Variants in ADGRG4 observed in about 807,000 individuals in gnomAD.
ADGRG4 encodes G protein-coupled receptor 112.
ADGRG4 carries 122 observed loss-of-function variants against 126.2 expected under a neutral mutation model. The observed-to-expected ratio is 0.97, with a 90% CI of 0.83 to 1.12. The LOEUF (loss-of-function observed/expected upper bound fraction) is 1.12. Among genes scored for constraint, ADGRG4 ranks in the 50% most tolerant of loss-of-function variants. The pLI is 0.00. For missense variants in ADGRG4, 2,481 were observed against 2,251.8 expected (o/e 1.10, Z -2.06); for synonymous variants, 943 against 838.7 (o/e 1.12, Z -2.15).
rs1317002874 is a variant in ADGRG4 at position 136,316,334 on chromosome X, T to C, written c.71-6444T>C. 3.6e-5 allele frequency among the ~76,000 whole-genome samples: 4 copies of C among 110,270 alleles called. 1 individual carries two copies. The highest frequency in any genetic ancestry group is 2.9e-4 in the Admixed American group (3 of 10,359). ...CTAAGAAAGGGTAGAAAAACCTGTA[T>C]AGGATATGTCTGATGTTACTTAATG... is the stretch of plus-strand genomic sequence containing the variant. On this transcript the variant is annotated intron_variant, in intron 4 of 25. Transcript: ENST00000394143.
In ADGRG4 at chrX:136,414,280, C is replaced by T. The variant is rs773552299; in HGVS notation, c.9158C>T (p.Ser3053Phe). ...KSTATSSTFK[S>F]LGSAQGTPSE... ...ACTGCAACTAGCTCCACTTTCAAAT[C>T]TTTAGGCTCTGCACAAGGCACACCT... The change falls in exon 25 of 26, where the codon TCT becomes TTT. Residue 3053 changes from serine to phenylalanine, a missense_variant. Coordinates refer to ENST00000394143, the MANE Select transcript of ADGRG4 (RefSeq NM_153834.4). 3 of 1,209,150 alleles carry T rather than the reference C, an allele frequency of 2.5e-6. No homozygotes were observed. Among genetic ancestry groups the T allele is most frequent in the Admixed American group, 4.4e-5 (2 of 45,863 alleles).
intron 9 of ADGRG4, 50 bp from the exon 10 acceptor site, chrX:136,357,654 T>G: frequency 9.2e-6 from 8 of 871,635 alleles, no homozygotes; most frequent in Non-Finnish European, 1.3e-5. Flanking sequence ...TACTCAGTTA[T>G]GACATTTGTT....
rs775340170 is a variant in ADGRG4 at position 136,399,975 on chromosome X, G to A, written c.8434G>A (p.Ala2812Thr). The A allele has an allele frequency of 7.4e-6, 9 of 1,209,444 alleles. No homozygotes were observed. Among genetic ancestry groups the A allele is most frequent in the Middle Eastern group, 2.3e-4 (1 of 4,373 alleles). ...TCAGAAAGTGGGAGTTTGTATCACA[G>A]CTGCAGTGGCACTTCATTACTTCCT... ...SFQKVGVCIT[A>T]AVALHYFLLV... is the part of the protein sequence containing the mutation. The change falls in exon 21 of 26, where the codon GCT becomes ACT. Residue 2812 changes from alanine (A) to threonine (T), a missense_variant. By Grantham distance (58) the Ala-to-Thr change is moderately conservative. Coordinates refer to ENST00000394143, the MANE Select transcript of ADGRG4 (RefSeq NM_153834.4).
At chrX:136,369,811 C>CAG (rs1293976369) in intron 13 of ADGRG4, among the ~76,000 whole-genome samples, 1 of 112,028 alleles carries the variant, frequency 8.9e-6, no homozygotes, top group African/African-American at 3.2e-5. Flanking sequence ...GTCCTCCTCC[C>CAG]ATCTCCTCAG....
In ADGRG4 at chrX:136,412,287, C is replaced by A. The variant is rs1187317615; in HGVS notation, c.8958C>A (p.His2986Gln). 1.7e-6 allele frequency: 2 copies of A among 1,203,185 alleles called. No homozygotes were observed. The highest frequency in any genetic ancestry group is 2.3e-6 in the Non-Finnish European group (2 of 887,601). Residue 2986 changes from histidine (H) to glutamine (Q), a missense_variant, in exon 24 of 26, where the codon CAC becomes CAA. Transcript: ENST00000394143. ...TAGGATTCTTCATTTTTGTGTTTCA[C>A]TGTGTGATGAAGGAGAGTGTGCGGG... ...TLQGFFIFVF[H>Q]CVMKESVREQ...
At chrX:136,357,062 A>G (rs1252658369) in intron 9 of ADGRG4, among the ~76,000 whole-genome samples, 2 of 112,469 alleles carry the variant, frequency 1.8e-5, no homozygotes, top group African/African-American at 6.5e-5. Flanking sequence ...CACTATCATT[A>G]AAAATATTTT....
intron 8 of ADGRG4, among the ~76,000 whole-genome samples, chrX:136,354,545 C>A (rs1189783803): frequency 9.0e-6 from 1 of 111,404 alleles, no homozygotes; most frequent in Non-Finnish European, 1.9e-5. Context: ...ACACACCAAG[C>A]AGCTGACACC....
At chrX:136,363,275 C>T (rs1432212323) in intron 12 of ADGRG4, among the ~76,000 whole-genome samples, 1 of 111,596 alleles carries the variant, frequency 9.0e-6, no homozygotes, top group Non-Finnish European at 1.9e-5. Context: ...CCCCTTCCCA[C>T]ATGTTGACCC....
At chrX:136,406,806 T>C (rs2075414106) in intron 23 of ADGRG4, among the ~76,000 whole-genome samples, 1 of 110,200 alleles carries the variant, frequency 9.1e-6, no homozygotes, top group Non-Finnish European at 1.9e-5. Context: ...TCCCAGCTAC[T>C]TGGGAGGCTG....
At position 136,309,293 on chromosome X, in the gene ADGRG4, A is replaced by T. The variant is rs147231063; in HGVS notation, c.70+446A>T. Reference sequence around the variant, plus strand: ...GATGGGGAAACTGAGGCATGCAAACAGCTGGTAACAGATTCATAAAGCAAT... The same window carrying T: ...GATGGGGAAACTGAGGCATGCAAACTGCTGGTAACAGATTCATAAAGCAAT... On this transcript the variant is annotated intron_variant, in intron 4 of 25. Transcript: ENST00000394143. 1.3e-3 allele frequency among the ~76,000 whole-genome samples: 144 copies of T among 112,471 alleles called. 1 individual carries two copies. Among genetic ancestry groups the T allele is most frequent in the Middle Eastern group, 4.6e-3 (1 of 218 alleles).
chrX:136,377,114 T>C (rs1194838814), intron 15 of ADGRG4, among the ~76,000 whole-genome samples: 1 of 110,180 alleles, frequency 9.1e-6, no homozygotes, highest in African/African-American at 3.3e-5. Context: ...TGCCTATCTA[T>C]TTTCTCAATA....
intron 8 of ADGRG4, among the ~76,000 whole-genome samples, chrX:136,355,633 C>A (rs954717280): frequency 3.6e-5 from 4 of 111,269 alleles, no homozygotes; most frequent in Non-Finnish European, 7.5e-5. Context: ...ATTGATTTTT[C>A]TAGATTTGTT....
rs183831493 is a variant in ADGRG4, at chrX:136,390,045, T to A, written c.7911+2171T>A. On this transcript the variant is annotated intron_variant, in intron 16 of 25. Transcript: ENST00000394143. ...ATGACACATAACCTTAGAAATTTGT[T>A]TGTTTGTTTGTTTGTGTCTTTTAAA... Among the ~76,000 whole-genome samples, 79 of 111,681 alleles carry A rather than the reference T, an allele frequency of 7.1e-4. 1 individual carries two copies. Among genetic ancestry groups the A allele is most frequent in the Admixed American group, 4.7e-3 (49 of 10,532 alleles).
Position 136,347,314 on chromosome X carries a change from G to A in ADGRG4, c.3608G>A (p.Gly1203Asp). The change falls in exon 6 of 26, where the codon GGC (glycine) becomes GAC (aspartate). Residue 1203 changes from glycine (G) to aspartate (D), a missense_variant. Coordinates refer to ENST00000394143, the MANE Select transcript of ADGRG4 (RefSeq NM_153834.4). ...GGGVVASLAT[G>D]TTETSVVDET... ...GGAGTTGTTGCCAGCTTGGCTACTG[G>A]CACCACAGAGACCTCTGTTGTTGAT... 1 of 1,210,051 alleles carries A rather than the reference G, an allele frequency of 8.3e-7. No homozygotes were observed. Among genetic ancestry groups the A allele is most frequent in the Non-Finnish European group, 1.1e-6 (1 of 894,441 alleles).
At position 136,414,166 on chromosome X, in the gene ADGRG4, G is replaced by A. The variant is rs763183610; in HGVS notation, c.9044G>A (p.Ser3015Asn). Residue 3015 changes from serine to asparagine, a missense_variant, in exon 25 of 26, where the codon AGC becomes AAC. Transcript: ENST00000394143. ...TTTCTTGGTATCATTTCAGATGGGAGCAGCCGGTGTCAGATAAAGGTTGGA... is the reference window on the plus strand; with the variant it reads ...TTTCTTGGTATCATTTCAGATGGGAACAGCCGGTGTCAGATAAAGGTTGGA... Reference protein sequence around the residue: ...WLRLDNSSDGSSRCQIKVGYK... With the variant: ...WLRLDNSSDGNSRCQIKVGYK... 3 of 1,191,222 alleles carry A rather than the reference G, an allele frequency of 2.5e-6. No individual in the cohort carries two copies. The Admixed American group carries it at 7.0e-5, about 28-fold the overall frequency.
chrX:136,382,994 C>T lies in ADGRG4; in HGVS notation c.7777-4746C>T, dbSNP rs1362278823. Among the ~76,000 whole-genome samples the T allele has an allele frequency of 1.4e-4, 16 of 110,582 alleles. No homozygotes were observed. The Admixed American group carries it at 1.5e-3, about 11-fold the overall frequency. The stretch of plus-strand genomic sequence containing the variant: ...ATGGTGAGTGGTGCCACTTCCACTT[C>T]CAACTCTTGATTCCTGGAACTGTGA... On this transcript the variant is annotated intron_variant, in intron 15 of 25. Transcript: ENST00000394143.
intron 15 of ADGRG4, among the ~76,000 whole-genome samples, chrX:136,377,221 C>A: frequency 1.3e-5 from 1 of 75,963 alleles, no homozygotes; most frequent in African/African-American, 5.6e-5. Flanking sequence ...GAGAGTGGGT[C>A]TCGCTCTTTC....
In ADGRG4 at chrX:136,416,450, G is replaced by T; in HGVS notation, c.9206-4G>T. ...TGAAAATTTTCTTTTTTTCTTTACT[G>T]CAGATGACTTTGACAAAGATCCTTA... On this transcript the variant is annotated splice_polypyrimidine_tract_variant and splice_region_variant and intron_variant, in intron 25 of 25. Transcript: ENST00000394143. 8.4e-7 allele frequency: 1 copy of T among 1,196,722 alleles called. No homozygotes were observed.
chrX:136,371,554 A>C lies in ADGRG4; in HGVS notation c.7613+10A>C. ...ATGAAATAAGCAATGAGTAAGTACT[A>C]ATACTTTGGTGAAAGACATTATTTT... On this transcript the variant is annotated intron_variant, in intron 14 of 25. Coordinates refer to ENST00000394143, the MANE Select transcript of ADGRG4 (RefSeq NM_153834.4). 9.5e-7 allele frequency: 1 copy of C among 1,048,567 alleles called. No homozygotes were observed. The highest frequency in any genetic ancestry group is 1.3e-6 in the Non-Finnish European group (1 of 784,465). 86.4% of individuals were successfully genotyped at this position (1,048,567 alleles called of 1,213,427 possible).
Sources: allele counts gnomAD v4.1 joint callset (sites outside exome capture counted in the v4.1 genomes callset), GRCh38; gene constraint gnomAD v4.1.1; transcripts MANE v1.5; gene names NCBI Gene and HGNC (gene_info 2026-07-23, HGNC 2026-07-21).